THOC2: variants seen among roughly 807,000 people sequenced by gnomAD.
THOC2 encodes the protein THO complex subunit 2, also known as THO complex 2.
In THOC2, 10 loss-of-function variants were observed where a neutral mutation model predicts 128.4. The ratio of observed to expected loss-of-function variants is 0.08; its 90% CI spans 0.05 to 0.13. The LOEUF is 0.13. THOC2 is among the 10% of genes least tolerant of loss of function. The probability of loss-of-function intolerance (pLI) is 1.00; values close to 1 mark genes in which losing one functional copy is unlikely to be tolerated. For synonymous variants in THOC2, 393 were observed against 396.9 expected (o/e 0.99, Z 0.12); for missense variants, 535 against 1,155.7 (o/e 0.46, Z 7.79).
At chrX:123,698,190 T>C (rs1466946453) in intron 4 of THOC2, among the ~76,000 whole-genome samples, 1 of 111,935 alleles carries the variant, frequency 8.9e-6, no homozygotes, top group East Asian at 2.8e-4. Context: ...CTGGGCGCAG[T>C]GGCTCACGCC....
chrX:123,677,451 G>T (rs938399820), intron 8 of THOC2, among the ~76,000 whole-genome samples: 13 of 111,918 alleles, frequency 1.2e-4, no homozygotes, highest in African/African-American at 3.9e-4. Context: ...TACCTTATAA[G>T]TTTTTTAATA....
chrX:123,638,147 A>T (rs770773740), intron 17 of THOC2, 24 bp from the exon 18 acceptor site: 80 of 1,017,939 alleles, frequency 7.9e-5, no homozygotes, highest in Non-Finnish European at 1.1e-4. Context: ...AGAAAAAACT[A>T]AGTCATTACA....
intron 8 of THOC2, among the ~76,000 whole-genome samples, chrX:123,680,005 T>C (rs1423804514): frequency 1.8e-5 from 2 of 111,861 alleles, no homozygotes; most frequent in Non-Finnish European, 3.8e-5. Context: ...TTGTCCAAGG[T>C]TTCTCTCCAC....
At chrX:123,694,385 C>T (rs772466988) in intron 7 of THOC2, among the ~76,000 whole-genome samples, 14 of 110,812 alleles carry the variant, frequency 1.3e-4, no homozygotes, top group Non-Finnish European at 2.3e-4. Flanking sequence ...GAGGCCAAGG[C>T]GGGCGGATCA....
intron 9 of THOC2, among the ~76,000 whole-genome samples, chrX:123,670,552 G>A (rs2049233997): frequency 8.9e-6 from 1 of 112,863 alleles, no homozygotes; most frequent in Non-Finnish European, 1.9e-5. Context: ...CCAGGAGGCA[G>A]AGGCTGCAGT....
intron 7 of THOC2, among the ~76,000 whole-genome samples, chrX:123,694,761 T>C (rs747337049): frequency 7.2e-5 from 8 of 111,430 alleles, no homozygotes; most frequent in African/African-American, 2.6e-4. Flanking sequence ...AATTGACAAC[T>C]GGAAGAAACA....
chrX:123,648,001 G>C (rs916367697), intron 12 of THOC2, among the ~76,000 whole-genome samples: 1 of 111,118 alleles, frequency 9.0e-6, no homozygotes, highest in Non-Finnish European at 1.9e-5. Context: ...AGAAATCACG[G>C]GTTCGGTGGC....
At chrX:123,677,673 A>G (rs1187361092) in intron 8 of THOC2, among the ~76,000 whole-genome samples, 1 of 110,270 alleles carries the variant, frequency 9.1e-6, no homozygotes, top group Non-Finnish European at 1.9e-5. Context: ...GTTCAAGACC[A>G]GCCTGGCCAA....
At position 123,631,763 on chromosome X, in the gene THOC2, T is replaced by C. The variant is rs1128228; in HGVS notation, c.2406A>G (p.Val802=). The C allele has an allele frequency of 8.3e-7, 1 of 1,208,556 alleles. No individual in the cohort carries two copies. The highest frequency in any genetic ancestry group is 3.0e-5 in the East Asian group (1 of 33,787). The change falls in exon 22 of 39, where the codon GTA becomes GTG. Residue 802 remains valine, a synonymous_variant. Coordinates refer to ENST00000245838, the MANE Select transcript of THOC2 (RefSeq NM_001081550.2). Reference sequence around the variant, plus strand: ...GGGGTGTATGAAATTCATTACAGAGTACATCAATTGAAGGCACTCGCTTTA... The same window carrying C: ...GGGGTGTATGAAATTCATTACAGAGCACATCAATTGAAGGCACTCGCTTTA... ...DYIKRVPSID[V]LCNEFHTPHD... is the part of the protein sequence containing the mutation.
intron 36 of THOC2, 135 bp from the exon 37 acceptor site, chrX:123,611,651 A>G (rs1215946450): frequency 2.4e-6 from 1 of 409,926 alleles, no homozygotes; most frequent in Admixed American, 4.5e-5. Context: ...CATAAGCAAC[A>G]AAAGGAAAAA....
chrX:123,686,807 T>C, intron 7 of THOC2, 93 bp from the exon 8 acceptor site: 4 of 777,777 alleles, frequency 5.1e-6, no homozygotes, highest in Non-Finnish European at 7.2e-6. Flanking sequence ...TATAGCAAGA[T>C]AAAAATGTTT....
Position 123,624,068 on chromosome X carries a change from G to A in THOC2, c.3310C>T (p.Leu1104=), listed in dbSNP as rs76185484. The A allele has an allele frequency of 1.0e-4, 124 of 1,189,628 alleles. No individual in the cohort carries two copies. In the African/African-American group the frequency reaches 2.1e-3, roughly 20 times the overall value. Reference sequence around the variant, plus strand: ...TCCAATTTTTTTTTTACCTTGGTTAGTTTGTAATGCCATTTATGTACAACA... The same window carrying A: ...TCCAATTTTTTTTTTACCTTGGTTAATTTGTAATGCCATTTATGTACAACA... ...RHVVHKWHYK[L]TKASVHCLET... is the part of the protein sequence containing the mutation. Residue 1104 remains leucine (L), a synonymous_variant, in exon 27 of 39, where the codon CTA becomes TTA. Transcript: ENST00000245838.
chrX:123,706,820 T>C lies in THOC2; in HGVS notation c.222+38A>G, dbSNP rs2050953544. 3 of 656,365 alleles carry C rather than the reference T, an allele frequency of 4.6e-6. 1 individual carries two copies. In the Admixed American group the frequency reaches 1.2e-4, roughly 26 times the overall value. The allele number at this position is 656,365 out of a possible 1,213,427, so 54.1% of individuals were successfully genotyped here. A position where few individuals can be genotyped will look rare whatever the true frequency, so the allele number is the denominator to read the frequency against. On this transcript the variant is annotated intron_variant, in intron 3 of 38. Coordinates refer to ENST00000245838, the MANE Select transcript of THOC2 (RefSeq NM_001081550.2). ...CTTTGTGTCAAAGCAAAAAGATATA[T>C]AACAACTATTAACTTAAAAAAATAT...
intron 12 of THOC2, among the ~76,000 whole-genome samples, chrX:123,657,022 C>A (rs952376850): frequency 5.4e-5 from 6 of 110,394 alleles, no homozygotes; most frequent in Admixed American, 4.9e-4. Flanking sequence ...AAAAAAAGGG[C>A]AGGGGCAATA....
chrX:123,671,107 T>C (rs2049261242), intron 9 of THOC2, among the ~76,000 whole-genome samples: 1 of 111,800 alleles, frequency 8.9e-6, no homozygotes, highest in Admixed American at 9.5e-5. Context: ...GCCACAATCA[T>C]GAACTCTTCT....
chrX:123,674,947 A>G (rs1330227581), intron 8 of THOC2, among the ~76,000 whole-genome samples: 1 of 111,671 alleles, frequency 9.0e-6, no homozygotes, highest in Non-Finnish European at 1.9e-5. Context: ...ATCACACAAT[A>G]TACCCAGGTA....
At chrX:123,732,473 CG>C (rs2052314207) in intron 1 of THOC2, among the ~76,000 whole-genome samples, 1 of 112,071 alleles carries the variant, frequency 8.9e-6, no homozygotes, top group African/African-American at 3.2e-5. Context: ...GAGGGGAATC[CG>C]GGACGGTTCG....
chrX:123,667,655 T>C (rs750782249), intron 10 of THOC2, among the ~76,000 whole-genome samples: 21 of 110,789 alleles, frequency 1.9e-4, no homozygotes, highest in African/African-American at 6.2e-4. Context: ...GGAGAATTAC[T>C]TGAGCCCAGG....
At chrX:123,648,009 G>A (rs1261857649) in intron 12 of THOC2, among the ~76,000 whole-genome samples, 1 of 111,135 alleles carries the variant, frequency 9.0e-6, no homozygotes, top group Non-Finnish European at 1.9e-5. Context: ...CGGGTTCGGT[G>A]GCTGGCAAGA....
Sources: allele counts gnomAD v4.1 joint callset (sites outside exome capture counted in the v4.1 genomes callset), GRCh38; gene constraint gnomAD v4.1.1; transcripts MANE v1.5; gene names NCBI Gene and HGNC (gene_info 2026-07-23, HGNC 2026-07-21).